The following BMPR1B variants were observed in gnomAD, a reference collection of about 807,000 sequenced individuals.
The protein encoded by BMPR1B is bone morphogenetic protein receptor type-1B.
In BMPR1B, 12 loss-of-function variants were observed where a neutral mutation model predicts 59.1. The observed-to-expected ratio is 0.20, with a 90% CI of 0.13 to 0.33. BMPR1B has a LOEUF of 0.33. Ranked by LOEUF, BMPR1B falls within the 10% of genes least tolerant of loss-of-function variation. The pLI, the probability that BMPR1B is intolerant of heterozygous loss-of-function variation, is 1.00. For synonymous variants in BMPR1B, 237 were observed against 207.3 expected (o/e 1.14, Z -1.23); for missense variants, 550 against 610.9 (o/e 0.90, Z 1.05).
In BMPR1B at chr4:95,104,121, A is replaced by G. The variant is rs199726530; in HGVS notation, c.-17-287A>G. On this transcript the variant is annotated intron_variant, in intron 3 of 12. Coordinates refer to ENST00000515059, the MANE Select transcript of BMPR1B (RefSeq NM_001203.3). ...TTACCAGATATAGTAGAGGTTGTCT[A>G]TATAATGTCTCATTGAGCTCCTTGC... Among the ~76,000 whole-genome samples the G allele has an allele frequency of 2.0e-5, 3 of 151,832 alleles. No homozygotes were observed. In the East Asian group the frequency reaches 5.8e-4, roughly 29 times the overall value.
At chr4:95,062,183 A>G (rs1344711339) in intron 3 of BMPR1B, among the ~76,000 whole-genome samples, 3 of 152,042 alleles carry the variant, frequency 2.0e-5, no homozygotes, top group African/African-American at 7.2e-5. Flanking sequence ...CTAATATACC[A>G]CAGGAGCATT....
intron 2 of BMPR1B, among the ~76,000 whole-genome samples, chr4:94,978,290 G>A (rs1018036962): frequency 6.6e-6 from 1 of 152,200 alleles, no homozygotes; most frequent in African/African-American, 2.4e-5. Context: ...CTGTGGGCCA[G>A]GATTTTTGGC....
intron 2 of BMPR1B, among the ~76,000 whole-genome samples, chr4:94,917,249 C>T (rs1297778046): frequency 6.6e-6 from 1 of 152,334 alleles, no homozygotes; most frequent in Non-Finnish European, 1.5e-5. Flanking sequence ...CCCAGTGGGG[C>T]ACTGTCTAGT....
At chr4:94,876,534 A>C (rs1384007123) in intron 2 of BMPR1B, among the ~76,000 whole-genome samples, 2 of 152,218 alleles carry the variant, frequency 1.3e-5, no homozygotes, top group Non-Finnish European at 2.9e-5. Flanking sequence ...GTTCTTCACA[A>C]GTCTGTGAAA....
chr4:94,863,698 G>A (rs1236011192), intron 1 of BMPR1B, among the ~76,000 whole-genome samples: 1 of 152,160 alleles, frequency 6.6e-6, no homozygotes, highest in Non-Finnish European at 1.5e-5. Context: ...CGGCAATGTG[G>A]CTGCGTTTTA....
chr4:94,920,421 G>T (rs1425417819), intron 2 of BMPR1B, among the ~76,000 whole-genome samples: 1 of 152,072 alleles, frequency 6.6e-6, no homozygotes, highest in Non-Finnish European at 1.5e-5. Context: ...GAAGTCCCCG[G>T]TTTCCATTAA....
At chr4:94,853,510 A>C (rs1725639997) in intron 1 of BMPR1B, among the ~76,000 whole-genome samples, 1 of 152,234 alleles carries the variant, frequency 6.6e-6, no homozygotes. Context: ...TGTATCTTAT[A>C]GATAGTATTA....
intron 1 of BMPR1B, among the ~76,000 whole-genome samples, chr4:94,826,894 T>C (rs1724402645): frequency 6.6e-6 from 1 of 152,184 alleles, no homozygotes; most frequent in Non-Finnish European, 1.5e-5. Context: ...TATAGTAACT[T>C]TGCCAAACAG....
chr4:94,965,694 C>T (rs1730529465), intron 2 of BMPR1B, among the ~76,000 whole-genome samples: 1 of 152,156 alleles, frequency 6.6e-6, no homozygotes, highest in South Asian at 2.1e-4. Context: ...TGGCAGTACA[C>T]TGAAGAAGTG....
At chr4:95,085,868 A>G (rs555425228) in intron 3 of BMPR1B, among the ~76,000 whole-genome samples, 120 of 152,280 alleles carry the variant, frequency 7.9e-4, no homozygotes, top group Middle Eastern at 6.8e-3. Flanking sequence ...AGGTTTGTCC[A>G]GTAGTAAGTT....
At chr4:94,776,903 C>A (rs183413572) in intron 1 of BMPR1B, among the ~76,000 whole-genome samples, 115 of 152,246 alleles carry the variant, frequency 7.6e-4, no homozygotes, top group Middle Eastern at 3.4e-3. Flanking sequence ...TTCCTTTATC[C>A]TTTCTCCTAA....
At chr4:95,026,130 C>CTTTCTTTCTTTCTTTCTTTCTTTCTT (rs1560603024) in intron 3 of BMPR1B, among the ~76,000 whole-genome samples, 10 of 146,552 alleles carry the variant, frequency 6.8e-5, no homozygotes, top group African/African-American at 1.8e-4. Flanking sequence ...TTCTTTCTTT[C>CTTTCTTTCTTTCTTTCTTTCTTTCTT]TTTCTTTCTT....
chr4:94,985,031 G>A (rs577266171), intron 2 of BMPR1B, among the ~76,000 whole-genome samples: 5 of 152,270 alleles, frequency 3.3e-5, no homozygotes, highest in South Asian at 2.1e-4. Context: ...AAGTCTACAC[G>A]TGGCACTTCC....
chr4:94,979,362 A>C (rs151021075), intron 2 of BMPR1B, among the ~76,000 whole-genome samples: 1 of 152,242 alleles, frequency 6.6e-6, no homozygotes, highest in Non-Finnish European at 1.5e-5. Flanking sequence ...AAACTTACAC[A>C]TATTTTTGTT....
intron 3 of BMPR1B, among the ~76,000 whole-genome samples, chr4:95,031,907 C>T (rs1724887392): frequency 1.3e-5 from 2 of 151,976 alleles, no homozygotes; most frequent in Admixed American, 6.6e-5. Context: ...GTCTGGGTGG[C>T]AGAGCAGGAC....
At chr4:94,770,383 A>G (rs1455464199) in intron 1 of BMPR1B, among the ~76,000 whole-genome samples, 1 of 151,682 alleles carries the variant, frequency 6.6e-6, no homozygotes, top group Non-Finnish European at 1.5e-5. Flanking sequence ...GGCTGCAGGA[A>G]CTTATTAATG....
chr4:94,862,076 C>T (rs572630675), intron 1 of BMPR1B, among the ~76,000 whole-genome samples: 2 of 151,420 alleles, frequency 1.3e-5, no homozygotes, highest in Admixed American at 1.3e-4. Context: ...TCAACCAACA[C>T]CTAATCTTGA....
intron 1 of BMPR1B, among the ~76,000 whole-genome samples, chr4:94,863,847 G>A (rs972361304): frequency 1.3e-5 from 2 of 152,262 alleles, no homozygotes; most frequent in Non-Finnish European, 1.5e-5. Context: ...TCCCGAAACC[G>A]TATCTGAATA....
chr4:95,089,152 T>C (rs1729802028), intron 3 of BMPR1B, among the ~76,000 whole-genome samples: 1 of 152,144 alleles, frequency 6.6e-6, no homozygotes, highest in Non-Finnish European at 1.5e-5. Flanking sequence ...AAATTTAAGA[T>C]AATATATCCA....
Sources: gnomAD v4.1 joint callset for allele counts (sites outside exome capture counted in the v4.1 genomes callset) on GRCh38, gnomAD v4.1.1 for gene constraint, MANE v1.5 for transcripts, NCBI Gene and HGNC (gene_info 2026-07-23, HGNC 2026-07-21) for gene names.